Variants in SATB2 observed in about 807,000 individuals in gnomAD.
The protein encoded by SATB2 is DNA-binding protein SATB2.
A neutral mutation model predicts 73.4 loss-of-function variants in SATB2; 1 was observed. That is an observed-to-expected ratio of 0.01 (90% CI 0.00 to 0.06). The LOEUF (loss-of-function observed/expected upper bound fraction) is 0.06, where lower values mean the gene tolerates loss of function less well. SATB2 is among the 10% of genes least tolerant of loss of function. SATB2 has a pLI of 1.00. For missense variants in SATB2, 459 were observed against 945.8 expected (o/e 0.49, Z 6.75); for synonymous variants, 397 against 367.0 (o/e 1.08, Z -0.93).
rs549324282 is a variant in SATB2 at position 199,370,351 on chromosome 2, C to T, written c.598-1644G>A. Among the ~76,000 whole-genome samples the T allele has an allele frequency of 4.1e-4, 62 of 151,970 alleles. 1 individual carries two copies. The highest frequency in any genetic ancestry group is 1.5e-3 in the African/African-American group (61 of 41,426). ...GGGACAGAGATGAGATTTAAAAGTG[C>T]CAAACTGAAATGTCATAGTAATAAA... On this transcript the variant is annotated intron_variant, in intron 5 of 10. Transcript: ENST00000417098.
chr2:199,373,443 T>C (rs1689507974), intron 5 of SATB2, among the ~76,000 whole-genome samples: 1 of 152,180 alleles, frequency 6.6e-6, no homozygotes, highest in South Asian at 2.1e-4. Context: ...TTCTGAGCTA[T>C]AACATCAGAA....
chr2:199,367,676 T>C (rs566014193), intron 6 of SATB2, among the ~76,000 whole-genome samples: 9 of 152,238 alleles, frequency 5.9e-5, no homozygotes, highest in Admixed American at 2.6e-4. Context: ...TATTATAAAG[T>C]GTGATAAATA....
At chr2:199,306,088 G>A (rs540979237) in intron 10 of SATB2, among the ~76,000 whole-genome samples, 1 of 152,252 alleles carries the variant, frequency 6.6e-6, no homozygotes, top group East Asian at 1.9e-4. Context: ...TAGTTGATAT[G>A]AAAGGCCCAA....
chr2:199,409,557 T>G (rs1038231523), intron 3 of SATB2, among the ~76,000 whole-genome samples: 8 of 152,206 alleles, frequency 5.3e-5, no homozygotes, highest in Admixed American at 2.0e-4. Flanking sequence ...GCTTTTTCCA[T>G]GGACAAGATG....
intron 10 of SATB2, among the ~76,000 whole-genome samples, chr2:199,283,962 A>G (rs534456662): frequency 4.6e-4 from 70 of 152,314 alleles, no homozygotes; most frequent in African/African-American, 1.6e-3. Flanking sequence ...TGGAGTATCA[A>G]TTTGACTTGA....
chr2:199,381,137 A>G (rs1448317427), intron 4 of SATB2, among the ~76,000 whole-genome samples: 1 of 152,224 alleles, frequency 6.6e-6, no homozygotes, highest in Non-Finnish European at 1.5e-5. Context: ...TCCAGATGCC[A>G]TATTTGAAAA....
chr2:199,288,022 C>T (rs1459759936), intron 10 of SATB2, among the ~76,000 whole-genome samples: 2 of 152,090 alleles, frequency 1.3e-5, no homozygotes, highest in African/African-American at 4.8e-5. Flanking sequence ...TGAATAAACA[C>T]CTTCAACTAA....
chr2:199,285,151 T>C (rs1692648363), intron 10 of SATB2, among the ~76,000 whole-genome samples: 1 of 152,152 alleles, frequency 6.6e-6, no homozygotes. Context: ...TAACACATTA[T>C]TGGGGTCCTC....
At chr2:199,440,414 T>C (rs764960440) in intron 2 of SATB2, among the ~76,000 whole-genome samples, 7 of 152,242 alleles carry the variant, frequency 4.6e-5, no homozygotes, top group Non-Finnish European at 8.8e-5. Flanking sequence ...TTGAATGGTT[T>C]AGTGTTCTCC....
intron 7 of SATB2, among the ~76,000 whole-genome samples, chr2:199,337,145 T>C (rs1166859107): frequency 6.6e-6 from 1 of 152,112 alleles, no homozygotes; most frequent in African/African-American, 2.4e-5. Flanking sequence ...CGTCTTCTCA[T>C]AGAGAAGGCA....
At chr2:199,426,934 C>A (rs1691354113) in intron 3 of SATB2, among the ~76,000 whole-genome samples, 1 of 152,058 alleles carries the variant, frequency 6.6e-6, no homozygotes, top group African/African-American at 2.4e-5. Flanking sequence ...GTGGCACTAT[C>A]ACAATCTTGG....
At chr2:199,388,322 C>T (rs1436871492) in intron 3 of SATB2, among the ~76,000 whole-genome samples, 1 of 152,090 alleles carries the variant, frequency 6.6e-6, no homozygotes, top group Non-Finnish European at 1.5e-5. Context: ...CTTATTATTG[C>T]TAAACACATA....
intron 10 of SATB2, among the ~76,000 whole-genome samples, chr2:199,274,075 T>G (rs1692239965): frequency 6.6e-6 from 1 of 152,220 alleles, no homozygotes; most frequent in Non-Finnish European, 1.5e-5. Context: ...ACTTCCTAAA[T>G]CCTCCCAAAA....
chr2:199,342,196 CAG>C (rs1324397565), intron 7 of SATB2, among the ~76,000 whole-genome samples: 1 of 152,104 alleles, frequency 6.6e-6, no homozygotes, highest in Non-Finnish European at 1.5e-5. Flanking sequence ...GCATCAAAAA[CAG>C]AGCTGGGATG....
At chr2:199,335,328 A>G (rs1180080679) in intron 7 of SATB2, among the ~76,000 whole-genome samples, 1 of 152,196 alleles carries the variant, frequency 6.6e-6, no homozygotes, top group Non-Finnish European at 1.5e-5. Context: ...GCATATACAA[A>G]AGTAACATTT....
Position 199,323,706 on chromosome 2 carries a change from GTTA to G in SATB2, c.1542+94_1542+96del, listed in dbSNP as rs926149059. 1,554 of 1,281,998 alleles carry G rather than the reference GTTA, an allele frequency of 1.2e-3. 4 individuals are homozygous for G. Among genetic ancestry groups the G allele is most frequent in the Non-Finnish European group, 1.5e-3 (1,366 of 886,418 alleles). The allele number at this position is 1,281,998 out of a possible 1,614,324, so 79.4% of individuals were successfully genotyped here. A position where few individuals can be genotyped will look rare whatever the true frequency, so the allele number is the denominator to read the frequency against. ...GACAGGTTTCTTGGGGGTTATTACT[GTTA>G]TTATTATTATAGGAACAGATGTATT... On this transcript the variant is annotated intron_variant, in intron 9 of 10. Transcript: ENST00000417098.
chr2:199,446,391 T>C (rs1485171091), intron 2 of SATB2, among the ~76,000 whole-genome samples: 1 of 152,152 alleles, frequency 6.6e-6, no homozygotes, highest in Non-Finnish European at 1.5e-5. Flanking sequence ...AAATAACTAC[T>C]CCTTTTTTTA....
chr2:199,333,869 T>C (rs1688261151), intron 7 of SATB2, among the ~76,000 whole-genome samples: 1 of 152,156 alleles, frequency 6.6e-6, no homozygotes. Flanking sequence ...TAAAGTGATA[T>C]ACACCAGGTG....
At chr2:199,402,155 G>A (rs1208832534) in intron 3 of SATB2, among the ~76,000 whole-genome samples, 4 of 152,152 alleles carry the variant, frequency 2.6e-5, no homozygotes, top group Non-Finnish European at 2.9e-5. Context: ...GGGAGGCCGA[G>A]GCGGGTGGAT....
Sources: allele counts gnomAD v4.1 joint callset (sites outside exome capture counted in the v4.1 genomes callset), GRCh38; gene constraint gnomAD v4.1.1; transcripts MANE v1.5; gene names NCBI Gene and HGNC (gene_info 2026-07-23, HGNC 2026-07-21).